Variants in CHODL observed in about 807,000 individuals in gnomAD.
CHODL encodes transmembrane protein MT75.
CHODL carries 29 observed loss-of-function variants against 34.5 expected under a neutral mutation model. The observed-to-expected ratio is 0.84, with a 90% CI of 0.63 to 1.15. The LOEUF (loss-of-function observed/expected upper bound fraction) is 1.15. Ranked by LOEUF, CHODL falls within the 50% of genes most tolerant of loss-of-function variation. The pLI is 0.00. For synonymous variants in CHODL, 125 were observed against 116.1 expected, an observed-to-expected ratio of 1.08 and a Z score of -0.49; for missense variants, 332 against 332.5, an observed-to-expected ratio of 1.00 and a Z score of 0.01.
Position 18,148,732 on chromosome 21 carries a change from A to G in CHODL, c.-44-107777A>G, listed in dbSNP as rs1170595272. Among the ~76,000 whole-genome samples the G allele has an allele frequency of 2.0e-5, 3 of 151,874 alleles. 1 individual carries two copies. Among genetic ancestry groups the G allele is most frequent in the African/African-American group, 7.3e-5 (3 of 41,328 alleles). On this transcript the variant is annotated intron_variant, in intron 2 of 6. Coordinates refer to the CHODL transcript ENST00000400127. ...TGTACACATTTCATTGTGTCTTGAA[A>G]CTCCATACAAGTAGGCAGTTTAGTT...
chr21:18,091,728 G>A (rs971688751), intron 2 of CHODL, among the ~76,000 whole-genome samples: 13 of 152,290 alleles, frequency 8.5e-5, no homozygotes, highest in African/African-American at 3.1e-4. Context: ...CCACTGCCCT[G>A]AAGAGTGAGT....
intron 2 of CHODL, among the ~76,000 whole-genome samples, chr21:18,134,933 A>G (rs1206948637): frequency 6.6e-6 from 1 of 152,246 alleles, no homozygotes; most frequent in Non-Finnish European, 1.5e-5. Context: ...GTGAAAGTTC[A>G]TATAAAAAAT....
At chr21:18,041,305 T>C (rs1389500079) in intron 2 of CHODL, among the ~76,000 whole-genome samples, 1 of 151,940 alleles carries the variant, frequency 6.6e-6, no homozygotes. Flanking sequence ...GGGACTTGGG[T>C]AAGTTACTTA....
At chr21:18,144,509 C>A (rs2146615173) in intron 2 of CHODL, among the ~76,000 whole-genome samples, 1 of 152,252 alleles carries the variant, frequency 6.6e-6, no homozygotes. Context: ...TTCTAGTCTA[C>A]TTCATGCAAA....
chr21:17,944,732 A>T (rs1366666419), intron 1 of CHODL, among the ~76,000 whole-genome samples: 1 of 152,226 alleles, frequency 6.6e-6, no homozygotes, highest in Admixed American at 6.5e-5. Flanking sequence ...TAGAGATCGC[A>T]TAACAAGCTC....
intron 1 of CHODL, among the ~76,000 whole-genome samples, chr21:17,966,262 G>GT (rs2146357417): frequency 6.6e-6 from 1 of 152,212 alleles, no homozygotes; most frequent in African/African-American, 2.4e-5. Flanking sequence ...GAAAAATACA[G>GT]TTTTTTCTTT....
At chr21:18,156,845 G>C (rs1002897201) in intron 2 of CHODL, among the ~76,000 whole-genome samples, 74 of 152,128 alleles carry the variant, frequency 4.9e-4, no homozygotes, top group Admixed American at 2.2e-3. Flanking sequence ...TAGAAGATTC[G>C]ATAGCTAGGA....
chr21:18,224,061 G>T (rs2073908832), intron 2 of CHODL, among the ~76,000 whole-genome samples: 1 of 152,046 alleles, frequency 6.6e-6, no homozygotes, highest in Non-Finnish European at 1.5e-5. Flanking sequence ...ATGAGGAAGA[G>T]CCCAATACGG....
chr21:18,088,250 C>T (rs965001421), intron 2 of CHODL, among the ~76,000 whole-genome samples: 1 of 152,136 alleles, frequency 6.6e-6, no homozygotes, highest in Non-Finnish European at 1.5e-5. Flanking sequence ...GTGGGAAGTG[C>T]AGTCTTCTCA....
intron 2 of CHODL, among the ~76,000 whole-genome samples, chr21:18,211,168 A>ACACACACACACT (rs756032552): frequency 7.5e-6 from 1 of 133,862 alleles, no homozygotes; most frequent in African/African-American, 2.6e-5. Flanking sequence ...ACACACACAC[A>ACACACACACACT]CTCACACTCA....
upstream of CHODL, among the ~76,000 whole-genome samples, chr21:18,243,624 C>T (rs970557409): frequency 2.7e-4 from 41 of 151,570 alleles, no homozygotes; most frequent in Admixed American, 1.6e-3. Context: ...CTCACTGCAG[C>T]GTCAAACTCC....
intron 2 of CHODL, among the ~76,000 whole-genome samples, chr21:18,138,297 C>T (rs2072759706): frequency 1.3e-5 from 2 of 151,936 alleles, no homozygotes; most frequent in African/African-American, 4.8e-5. Flanking sequence ...AATTTCAATG[C>T]ATCTTTAACT....
At chr21:18,126,873 T>C (rs965074313) in intron 2 of CHODL, among the ~76,000 whole-genome samples, 15 of 152,100 alleles carry the variant, frequency 9.9e-5, no homozygotes, top group African/African-American at 3.6e-4. Flanking sequence ...CTAACAGAAA[T>C]GACAATAGAT....
chr21:17,931,024 T>G (rs951677153), intron 1 of CHODL, among the ~76,000 whole-genome samples: 1 of 152,014 alleles, frequency 6.6e-6, no homozygotes, highest in Non-Finnish European at 1.5e-5. Flanking sequence ...GGCACAAGGG[T>G]GTGATACAGA....
intron 2 of CHODL, among the ~76,000 whole-genome samples, chr21:18,204,022 T>A (rs995198): frequency 2.6e-5 from 4 of 151,968 alleles, no homozygotes; most frequent in Non-Finnish European, 5.9e-5. Flanking sequence ...ACATAGTGTC[T>A]TTTATTACCT....
At chr21:18,207,478 AT>A (rs1363673406) in intron 2 of CHODL, among the ~76,000 whole-genome samples, 1 of 152,162 alleles carries the variant, frequency 6.6e-6, no homozygotes, top group Admixed American at 6.5e-5. Context: ...TACTTAAGAT[AT>A]GATTAGTTTA....
intron 2 of CHODL, among the ~76,000 whole-genome samples, chr21:18,060,371 C>T (rs2064644647): frequency 6.6e-6 from 1 of 151,942 alleles, no homozygotes; most frequent in Non-Finnish European, 1.5e-5. Flanking sequence ...GGGAGGATCA[C>T]TTGAAAAGGT....
intron 3 of CHODL, 64 bp downstream of exon 3, chr21:18,257,191 T>G: frequency 6.9e-7 from 1 of 1,447,540 alleles, no homozygotes; most frequent in Non-Finnish European, 9.3e-7. Context: ...AAGTTTTGTC[T>G]TTAATTTTGA....
intron 1 of CHODL, among the ~76,000 whole-genome samples, chr21:17,988,803 G>A (rs1187271600): frequency 2.0e-5 from 3 of 151,658 alleles, no homozygotes; most frequent in Non-Finnish European, 2.9e-5. Flanking sequence ...TGTCATTGTT[G>A]GACATTTGGG....
Sources: allele counts gnomAD v4.1 joint callset (sites outside exome capture counted in the v4.1 genomes callset), GRCh38; gene constraint gnomAD v4.1.1; transcripts MANE v1.5; gene names NCBI Gene and HGNC (gene_info 2026-07-23, HGNC 2026-07-21).